Variants in CALCR observed in about 807,000 individuals in gnomAD.
The protein encoded by CALCR is calcitonin receptor.
CALCR carries 47 observed loss-of-function variants against 59.5 expected under a neutral mutation model. The observed-to-expected ratio is 0.79, with a 90% CI of 0.63 to 1.01. The LOEUF (loss-of-function observed/expected upper bound fraction) is 1.01. Among genes scored for constraint, CALCR ranks in the 50% least tolerant of loss-of-function variants. The pLI is 0.00. For missense variants in CALCR, 566 were observed against 597.1 expected, an observed-to-expected ratio of 0.95 and a Z score of 0.54; for synonymous variants, 213 against 211.3, an observed-to-expected ratio of 1.01 and a Z score of -0.07.
intron 8 of CALCR, among the ~76,000 whole-genome samples, chr7:93,454,156 C>T (rs1450654060): frequency 6.6e-6 from 1 of 151,952 alleles, no homozygotes; most frequent in African/African-American, 2.4e-5. Flanking sequence ...TCCCTTGCAC[C>T]AGCCTCCCTT....
At chr7:93,494,167 T>C (rs530376323) in intron 2 of CALCR, among the ~76,000 whole-genome samples, 1 of 151,398 alleles carries the variant, frequency 6.6e-6, no homozygotes, top group Admixed American at 6.6e-5. Flanking sequence ...GAAACCAGCT[T>C]CTTTATGAAG....
At position 93,460,819 on chromosome 7, in the gene CALCR, AC is replaced by A. The variant is rs1222833747; in HGVS notation, c.648+1del. The A allele has an allele frequency of 1.2e-6, 2 of 1,602,558 alleles. No homozygotes were observed. The highest frequency in any genetic ancestry group is 2.7e-5 in the African/African-American group (2 of 74,162). ...GTAAAAACAAAACTATGCAGTACTTACCGGGTCCCTTCGCACGAGCTCTCCA... is the reference window on the plus strand; with the variant it reads ...GTAAAAACAAAACTATGCAGTACTTACGGGTCCCTTCGCACGAGCTCTCCA... On this transcript the variant is annotated splice_donor_variant, in intron 8 of 13. Transcript: ENST00000426151. LOFTEE classifies it high-confidence loss of function.
intron 7 of CALCR, among the ~76,000 whole-genome samples, chr7:93,464,266 G>A (rs1800397087): frequency 1.3e-5 from 2 of 152,064 alleles, no homozygotes; most frequent in Non-Finnish European, 2.9e-5. Context: ...AGAAACAGCA[G>A]TATTTTCTCC....
chr7:93,428,112 G>A (rs1584528569), intron 13 of CALCR, among the ~76,000 whole-genome samples: 1 of 152,276 alleles, frequency 6.6e-6, no homozygotes, highest in Middle Eastern at 3.4e-3. Context: ...AAGGAATAAG[G>A]TGGACCATGC....
chr7:93,515,858 A>G (rs1403069398), intron 2 of CALCR, among the ~76,000 whole-genome samples: 1 of 151,972 alleles, frequency 6.6e-6, no homozygotes. Context: ...GCATTAAACA[A>G]TTTTGCTTTT....
intron 13 of CALCR, among the ~76,000 whole-genome samples, chr7:93,431,348 A>G (rs1799655214): frequency 6.6e-6 from 1 of 152,242 alleles, no homozygotes; most frequent in Admixed American, 6.5e-5. Context: ...CACCATGTCC[A>G]ACAGCGGAGC....
At chr7:93,518,075 A>G (rs1182990835) in intron 2 of CALCR, among the ~76,000 whole-genome samples, 1 of 151,942 alleles carries the variant, frequency 6.6e-6, no homozygotes, top group Non-Finnish European at 1.5e-5. Context: ...CATTGAGAAC[A>G]GTAGATAAAA....
chr7:93,437,929 T>A (rs1799814725), intron 11 of CALCR, 131 bp downstream of exon 11: 1 of 879,796 alleles, frequency 1.1e-6, no homozygotes, highest in East Asian at 2.7e-5. Flanking sequence ...AATTGCTTTT[T>A]TTTACTACAG....
chr7:93,463,317 T>G (rs1424340550), intron 7 of CALCR, among the ~76,000 whole-genome samples: 1 of 151,824 alleles, frequency 6.6e-6, no homozygotes, highest in Non-Finnish European at 1.5e-5. Context: ...AATATATATA[T>G]TTTTCATTGG....
In CALCR at chr7:93,483,112, T is replaced by C. The variant is rs111807441; in HGVS notation, c.52-3605A>G. The stretch of plus-strand genomic sequence containing the variant: ...CTTAGGTACTTCATATAAAATGGTG[T>C]AGTATTTGCATATGTGGATACCAAA... On this transcript the variant is annotated intron_variant, in intron 3 of 13. Coordinates refer to ENST00000426151, the MANE Select transcript of CALCR (RefSeq NM_001742.4). Among the ~76,000 whole-genome samples the C allele has an allele frequency of 7.3e-3, 1,115 of 151,828 alleles. 8 individuals are homozygous for C. Among genetic ancestry groups the C allele is most frequent in the Non-Finnish European group, 0.011 (730 of 67,824 alleles).
In CALCR at chr7:93,569,945, C is replaced by G. The variant is rs1460624393; in HGVS notation, c.-27+4344G>C. Among the ~76,000 whole-genome samples the G allele has an allele frequency of 2.6e-5, 4 of 151,456 alleles. No individual in the cohort carries two copies. The East Asian group carries it at 7.8e-4, about 29-fold the overall frequency. On this transcript the variant is annotated intron_variant, in intron 2 of 13. Transcript: ENST00000426151. ...CCATTGATGTAAAGGGACACACACACACACACACACACACACACACACACT... is the reference window on the plus strand; with the variant it reads ...CCATTGATGTAAAGGGACACACACAGACACACACACACACACACACACACT...
intron 2 of CALCR, among the ~76,000 whole-genome samples, chr7:93,496,733 C>T (rs1466853670): frequency 1.3e-5 from 2 of 151,592 alleles, no homozygotes; most frequent in Admixed American, 6.6e-5. Flanking sequence ...TGTCTCAAAA[C>T]AGCTATGAGC....
At chr7:93,445,052 C>A (rs1234884208) in intron 8 of CALCR, among the ~76,000 whole-genome samples, 1 of 152,012 alleles carries the variant, frequency 6.6e-6, no homozygotes, top group Non-Finnish European at 1.5e-5. Context: ...AGGGAAAAGC[C>A]CTCTGGGCCC....
chr7:93,455,842 T>C (rs1315901026), intron 8 of CALCR, among the ~76,000 whole-genome samples: 1 of 152,146 alleles, frequency 6.6e-6, no homozygotes, highest in African/African-American at 2.4e-5. Context: ...TGACAGAATA[T>C]GGATTTTCAA....
chr7:93,547,965 C>G (rs1356694098), intron 2 of CALCR, among the ~76,000 whole-genome samples: 2 of 152,194 alleles, frequency 1.3e-5, no homozygotes, highest in Non-Finnish European at 2.9e-5. Context: ...TGCTTCAGAA[C>G]ATTGCTTCCC....
chr7:93,484,685 C>G (rs753537151), intron 3 of CALCR, among the ~76,000 whole-genome samples: 17 of 151,740 alleles, frequency 1.1e-4, no homozygotes, highest in Non-Finnish European at 2.4e-4. Context: ...AACAACGAAA[C>G]TGCATATATC....
chr7:93,488,815 G>A (rs1801008892), intron 2 of CALCR, among the ~76,000 whole-genome samples: 2 of 151,556 alleles, frequency 1.3e-5, no homozygotes, highest in African/African-American at 4.8e-5. Flanking sequence ...AATAATAGTG[G>A]GAGACTTTAA....
chr7:93,486,223 C>T (rs1483902050), intron 3 of CALCR, among the ~76,000 whole-genome samples: 2 of 151,446 alleles, frequency 1.3e-5, no homozygotes, highest in Admixed American at 6.6e-5. Flanking sequence ...TACTCATCTC[C>T]CATTCATGTG....
intron 2 of CALCR, among the ~76,000 whole-genome samples, chr7:93,560,231 A>T (rs1243594557): frequency 6.6e-6 from 1 of 152,112 alleles, no homozygotes; most frequent in Non-Finnish European, 1.5e-5. Context: ...TATGATGAAA[A>T]TAAAGCTTTT....
Sources: gnomAD v4.1 joint callset for allele counts (sites outside exome capture counted in the v4.1 genomes callset) on GRCh38, gnomAD v4.1.1 for gene constraint, MANE v1.5 for transcripts, NCBI Gene and HGNC (gene_info 2026-07-23, HGNC 2026-07-21) for gene names.